The following MORN1 variants were observed in gnomAD, a reference collection of about 807,000 sequenced individuals.
MORN1 encodes MORN repeat-containing protein 1.
Under a neutral mutation model 61.9 loss-of-function variants are expected in MORN1, and 67 were observed. The ratio of observed to expected loss-of-function variants is 1.08; its 90% CI spans 0.89 to 1.33. The LOEUF is 1.33. Among genes scored for constraint, MORN1 ranks in the 40% most tolerant of loss-of-function variants. The pLI is 0.00. For synonymous variants in MORN1, 301 were observed against 292.0 expected (o/e 1.03, Z -0.31); for missense variants, 752 against 691.2 (o/e 1.09, Z -0.99).
chr1:2,321,905 C>G (rs914605661), intron 13 of MORN1: 3 of 632,834 alleles, frequency 4.7e-6, no homozygotes, highest in Admixed American at 1.3e-4. Context: ...TGGCCGCTCT[C>G]AAGCCCCCAC....
chr1:2,350,166 C>T (rs1211716033), intron 10 of MORN1, among the ~76,000 whole-genome samples: 2 of 152,206 alleles, frequency 1.3e-5, no homozygotes, highest in Non-Finnish European at 2.9e-5. Flanking sequence ...TATAAAAATG[C>T]TTTGAATATA....
rs577350850 is a variant in MORN1 at position 2,337,398 on chromosome 1, G to A, written c.1037-548C>T. On this transcript the variant is annotated intron_variant, in intron 10 of 13. Coordinates refer to ENST00000378531, the MANE Select transcript of MORN1 (RefSeq NM_024848.3). This position sits in a 1 kb window ranked among gnomAD's most constrained non-coding sequence, Gnocchi z 5.7. ...ACGTGGCGGCAGACCCCAGGTCCTC[G>A]GGCATCAGAGGCGGGTGTGGGCGGG... Among the ~76,000 whole-genome samples the A allele has an allele frequency of 5.3e-5, 8 of 152,284 alleles. No individual in the cohort carries two copies. In the South Asian group the frequency reaches 8.3e-4, roughly 16 times the overall value.
At position 2,391,253 on chromosome 1, in the gene MORN1, G is replaced by A. The variant is rs528853509; in HGVS notation, c.76+205C>T. 9.8e-5 allele frequency among the ~76,000 whole-genome samples: 15 copies of A among 152,306 alleles called. No individual in the cohort carries two copies. In the South Asian group the frequency reaches 2.1e-3, roughly 21 times the overall value. On this transcript the variant is annotated intron_variant, in intron 1 of 13. Coordinates refer to ENST00000378531, the MANE Select transcript of MORN1 (RefSeq NM_024848.3). The stretch of plus-strand genomic sequence containing the variant: ...CAGGGCTTGGCCTGCTGCGGGAGGA[G>A]GGCTCGGGGAAGGGTGCGAGCCGAG...
At chr1:2,355,580 C>T (rs1641745943) in intron 10 of MORN1, 4 of 1,156,626 alleles carry the variant, frequency 3.5e-6, no homozygotes, top group East Asian at 5.2e-5. Context: ...GGAGGCTCTT[C>T]CCAGGGCGGC....
chr1:2,362,268 G>A (rs529892091), intron 8 of MORN1, among the ~76,000 whole-genome samples: 1 of 152,238 alleles, frequency 6.6e-6, no homozygotes, highest in African/African-American at 2.4e-5. Context: ...TTCATTAAGT[G>A]GAAGTGGATT....
intron 12 of MORN1, among the ~76,000 whole-genome samples, chr1:2,331,777 T>C (rs1641153338): frequency 6.6e-6 from 1 of 152,092 alleles, no homozygotes; most frequent in South Asian, 2.1e-4. Flanking sequence ...CCGTCCTTCT[T>C]ATGTAACCAC....
Position 2,385,852 on chromosome 1 carries a change from G to A in MORN1, c.404C>T (p.Ser135Phe). The A allele has an allele frequency of 1.2e-6, 2 of 1,613,942 alleles. No homozygotes were observed. Among genetic ancestry groups the A allele is most frequent in the Non-Finnish European group, 1.7e-6 (2 of 1,180,034 alleles). The change falls in exon 5 of 14, where the codon TCC (serine) becomes TTC (phenylalanine). Residue 135 changes from serine (S) to phenylalanine (F), a missense_variant. Ser to Phe is a radical substitution (Grantham distance 155). Coordinates refer to ENST00000378531, the MANE Select transcript of MORN1 (RefSeq NM_024848.3). ...GCCGTGCCTCTTGTTGTCATGGAAG[G>A]AGCCCTGGTACACTTGTCCATCCCG... ...VDRDGQVYQG[S>F]FHDNKRHGPG...
intron 3 of MORN1, 155 bp downstream of exon 3, chr1:2,388,084 C>CA: frequency 1.7e-6 from 1 of 605,528 alleles, no homozygotes; most frequent in Non-Finnish European, 2.9e-6. Flanking sequence ...CACAGAGCCT[C>CA]AGTCAGGTCC....
At chr1:2,346,531 G>A (rs980012554) in intron 10 of MORN1, among the ~76,000 whole-genome samples, 23 of 152,172 alleles carry the variant, frequency 1.5e-4, no homozygotes, top group African/African-American at 5.3e-4. Flanking sequence ...GATTACAGGC[G>A]CCCGCCACCA....
rs1486196017 is a variant in MORN1, at chr1:2,321,445, C to T, written c.1432G>A (p.Glu478Lys). Residue 478 changes from glutamate (E) to lysine (K), a missense_variant, in exon 14 of 14, where the codon GAA (glutamate) becomes AAA (lysine). Transcript: ENST00000378531. ...GCGGCCTGCCAGCTGCTTGAGGCTT[C>T]AGGGCCTTCTTCCAGGACATGGGGT... ...QPPHVLEEGP[E>K]ASSSWQAAHS... 2 of 1,541,510 alleles carry T rather than the reference C, an allele frequency of 1.3e-6. No homozygotes were observed. The highest frequency in any genetic ancestry group is 8.8e-7 in the Non-Finnish European group (1 of 1,142,796).
rs1452548993 is a variant in MORN1, at chr1:2,388,289, A to G, written c.197T>C (p.Phe66Ser). Residue 66 changes from phenylalanine to serine, a missense_variant, in exon 3 of 14, where the codon TTT becomes TCT. Transcript: ENST00000378531. ...FKDGSYYEGA[F>S]VDGEITGEGR... Reference sequence around the variant, plus strand: ...TTCTCCCGTGATCTCTCCGTCCACAAACGCCCCTTCGTAATAACTGCCATC... The same window carrying G: ...TTCTCCCGTGATCTCTCCGTCCACAGACGCCCCTTCGTAATAACTGCCATC... The G allele has an allele frequency of 6.2e-7, 1 of 1,613,938 alleles. No individual in the cohort carries two copies. The highest frequency in any genetic ancestry group is 1.1e-5 in the South Asian group (1 of 91,082).
intron 10 of MORN1, among the ~76,000 whole-genome samples, chr1:2,349,878 G>C (rs969757691): frequency 3.9e-5 from 6 of 152,122 alleles, no homozygotes; most frequent in African/African-American, 1.4e-4. Flanking sequence ...TCACTGGGAG[G>C]GTTTTGTGCA....
chr1:2,372,936 C>G lies in MORN1; in HGVS notation c.635-345G>C, dbSNP rs1013494901. Among the ~76,000 whole-genome samples, 3 of 152,254 alleles carry G rather than the reference C, an allele frequency of 2.0e-5. No individual in the cohort carries two copies. Among genetic ancestry groups the G allele is most frequent in the African/African-American group, 7.2e-5 (3 of 41,464 alleles). ...TGTTCCCGCACGTCTTCCCGCTGGT[C>G]GGGATTTAGGCCCTGCATTCCCTGC... On this transcript the variant is annotated intron_variant, in intron 7 of 13. Transcript: ENST00000378531. This position sits in a 1 kb window ranked among gnomAD's most constrained non-coding sequence, Gnocchi z 5.4.
chr1:2,376,366 C>T (rs1332159855), intron 6 of MORN1: 3 of 152,338 alleles, frequency 2.0e-5, no homozygotes, highest in African/African-American at 4.8e-5. Context: ...CCGGGGCCCC[C>T]GTCACCGTCA....
intron 10 of MORN1, among the ~76,000 whole-genome samples, chr1:2,356,508 C>T (rs1042595141): frequency 2.0e-5 from 3 of 152,134 alleles, no homozygotes; most frequent in African/African-American, 7.2e-5. Flanking sequence ...GCTTTGGGGA[C>T]CGGGAACCTC....
intron 2 of MORN1, among the ~76,000 whole-genome samples, chr1:2,389,189 C>T (rs936281399): frequency 2.0e-5 from 3 of 151,912 alleles, no homozygotes; most frequent in Non-Finnish European, 4.4e-5. Context: ...AGTACAGTGG[C>T]GGGAACGTCC....
intron 8 of MORN1, among the ~76,000 whole-genome samples, chr1:2,364,058 A>G (rs1263852751): frequency 6.6e-6 from 1 of 152,200 alleles, no homozygotes; most frequent in Non-Finnish European, 1.5e-5. Context: ...GCTGTCTACA[A>G]AAAGTACACT....
At position 2,337,167 on chromosome 1, in the gene MORN1, C is replaced by G. The variant is rs933868240; in HGVS notation, c.1037-317G>C. Among the ~76,000 whole-genome samples, 12 of 152,136 alleles carry G rather than the reference C, an allele frequency of 7.9e-5. No homozygotes were observed. The highest frequency in any genetic ancestry group is 2.6e-4 in the Admixed American group (4 of 15,286). ...TCTCCCATCAGCAGCCCCCGTCAGC[C>G]GAGGCACTCGCTTCCAGGGTAGGGC... On this transcript the variant is annotated intron_variant, in intron 10 of 13. Coordinates refer to ENST00000378531, the MANE Select transcript of MORN1 (RefSeq NM_024848.3). This position sits in a 1 kb window ranked among gnomAD's most constrained non-coding sequence, Gnocchi z 5.7.
At chr1:2,382,697 T>A (rs912603276) in intron 6 of MORN1, among the ~76,000 whole-genome samples, 1 of 152,160 alleles carries the variant, frequency 6.6e-6, no homozygotes, top group Non-Finnish European at 1.5e-5. Context: ...TCCTGTAGGA[T>A]GGACACAAGT....
Sources: gnomAD v4.1 joint callset for allele counts (sites outside exome capture counted in the v4.1 genomes callset) on GRCh38, gnomAD v4.1.1 for gene constraint, Gnocchi (gnomAD v3.1) non-coding constraint, MANE v1.5 for transcripts, NCBI Gene and HGNC (gene_info 2026-07-23, HGNC 2026-07-21) for gene names.